Variants in CNGA3 observed in about 807,000 individuals in gnomAD.
CNGA3 encodes the protein cyclic nucleotide gated channel subunit alpha 3.
Under a neutral mutation model 46.6 loss-of-function variants are expected in CNGA3, and 42 were observed. The observed-to-expected ratio is 0.90, with a 90% CI of 0.70 to 1.17. CNGA3 has a LOEUF of 1.17. Ranked by LOEUF, CNGA3 falls within the 50% of genes most tolerant of loss-of-function variation. The pLI, the probability that CNGA3 is intolerant of heterozygous loss-of-function variation, is 0.00. For synonymous variants in CNGA3, 394 were observed against 369.4 expected (o/e 1.07, Z -0.76); for missense variants, 893 against 890.7 (o/e 1.00, Z -0.03).
chr2:98,368,353 C>G (rs1393355538), intron 1 of CNGA3, among the ~76,000 whole-genome samples: 2 of 152,226 alleles, frequency 1.3e-5, no homozygotes, highest in Non-Finnish European at 2.9e-5. Flanking sequence ...GTGGTCTCCA[C>G]TGACATCTGA....
intron 2 of CNGA3, among the ~76,000 whole-genome samples, chr2:98,375,041 C>G (rs943946167): frequency 6.6e-6 from 1 of 152,244 alleles, no homozygotes; most frequent in African/African-American, 2.4e-5. Flanking sequence ...GGACTCAAAC[C>G]AGGACCTGCC....
At position 98,380,170 on chromosome 2, in the gene CNGA3, T is replaced by G; in HGVS notation, c.216-5T>G. The G allele has an allele frequency of 1.9e-6, 3 of 1,614,056 alleles. No individual in the cohort carries two copies. Among genetic ancestry groups the G allele is most frequent in the Non-Finnish European group, 2.5e-6 (3 of 1,180,046 alleles). On this transcript the variant is annotated splice_polypyrimidine_tract_variant and splice_region_variant and intron_variant, in intron 3 of 7. Coordinates refer to ENST00000272602, the MANE Select transcript of CNGA3 (RefSeq NM_001298.3). ...CTCTGGCTCAGTGCTTGTGTCACCT[T>G]CCAGGCTGTCGCGCCTCATCTTCTT...
intron 2 of CNGA3, among the ~76,000 whole-genome samples, chr2:98,373,850 G>T (rs963099457): frequency 6.6e-6 from 1 of 152,212 alleles, no homozygotes; most frequent in Admixed American, 6.5e-5. Flanking sequence ...GGGCACGGGG[G>T]TTTGTGTCTG....
At chr2:98,358,195 T>A (rs1691932237) in intron 1 of CNGA3, among the ~76,000 whole-genome samples, 1 of 152,236 alleles carries the variant, frequency 6.6e-6, no homozygotes, top group South Asian at 2.1e-4. Flanking sequence ...GGTTGGGTAA[T>A]CTCTTAAGAT....
chr2:98,381,903 GA>G (rs1021489991), intron 4 of CNGA3, among the ~76,000 whole-genome samples: 1 of 152,090 alleles, frequency 6.6e-6, no homozygotes, highest in African/African-American at 2.4e-5. Flanking sequence ...AGGGAGGGGG[GA>G]AAAAGAAGTT....
chr2:98,363,228 T>C (rs1285414096), intron 1 of CNGA3, among the ~76,000 whole-genome samples: 1 of 152,236 alleles, frequency 6.6e-6, no homozygotes, highest in Admixed American at 6.5e-5. Flanking sequence ...ATTGAATCTA[T>C]AAATTACTTC....
At chr2:98,357,823 T>C (rs1412280965) in intron 1 of CNGA3, among the ~76,000 whole-genome samples, 1 of 152,230 alleles carries the variant, frequency 6.6e-6, no homozygotes, top group Non-Finnish European at 1.5e-5. Context: ...AAGGTCACCT[T>C]CACAGTTGCA....
At position 98,390,318 on chromosome 2, in the gene CNGA3, AT is replaced by A. The variant is rs139891462; in HGVS notation, c.566+554del. Among the ~76,000 whole-genome samples the A allele has an allele frequency of 8.1e-3, 1,200 of 147,982 alleles. 14 individuals carry two copies. Among genetic ancestry groups the A allele is most frequent in the South Asian group, 0.028 (129 of 4,664 alleles). On this transcript the variant is annotated intron_variant, in intron 6 of 7. Coordinates refer to ENST00000272602, the MANE Select transcript of CNGA3 (RefSeq NM_001298.3). ...GCCTGGCTTTTATATATATATATGT[AT>A]TTTTTTTTTAGTAGAGACAGTGTTT...
rs373542579 is a variant in CNGA3, at chr2:98,389,686, G to A, written c.478G>A (p.Val160Met). Reference sequence around the variant, plus strand: ...GAAGACGAAAAAGAAGGATGCGATCGTGGTGGACCCGTCCAGCAACCTGTA... The same window carrying A: ...GAAGACGAAAAAGAAGGATGCGATCATGGTGGACCCGTCCAGCAACCTGTA... ...EKKTKKKDAI[V>M]VDPSSNLYYR... The change falls in exon 6 of 8, where the codon GTG becomes ATG. Residue 160 changes from valine (V) to methionine (M), a missense_variant. Physicochemically the swap from Val to Met is conservative, Grantham distance 21. Coordinates refer to ENST00000272602, the MANE Select transcript of CNGA3 (RefSeq NM_001298.3). 56 of 1,613,786 alleles carry A rather than the reference G, an allele frequency of 3.5e-5. No individual in the cohort carries two copies. The East Asian group carries it at 4.5e-4, about 13-fold the overall frequency.
intron 1 of CNGA3, among the ~76,000 whole-genome samples, chr2:98,352,903 C>T (rs944885910): frequency 6.6e-6 from 1 of 152,166 alleles, no homozygotes; most frequent in African/African-American, 2.4e-5. Context: ...TATGTATATA[C>T]AGTTGACCCT....
In CNGA3 at chr2:98,369,803, A is replaced by T. The variant is rs1000846565; in HGVS notation, c.-37-136A>T. 4.7e-6 allele frequency: 3 copies of T among 634,734 alleles called. No homozygotes were observed. The African/African-American group carries it at 5.4e-5, about 12-fold the overall frequency. 39.3% of individuals were successfully genotyped at this position (634,734 alleles called of 1,614,324 possible). ...CCAACTAAAACTCACTGCAGCAGGA[A>T]CTACAAGAGACAGCAGAGGGTGTGC... is the stretch of plus-strand genomic sequence containing the variant. On this transcript the variant is annotated intron_variant, in intron 1 of 7. Coordinates refer to ENST00000272602, the MANE Select transcript of CNGA3 (RefSeq NM_001298.3).
intron 1 of CNGA3, among the ~76,000 whole-genome samples, chr2:98,359,241 C>T (rs754602891): frequency 6.6e-5 from 10 of 152,154 alleles, no homozygotes; most frequent in Non-Finnish European, 1.3e-4. Flanking sequence ...CCAGGGTTGC[C>T]CCAAGGATGT....
chr2:98,388,963 G>A (rs1438141321), intron 5 of CNGA3, among the ~76,000 whole-genome samples: 1 of 152,242 alleles, frequency 6.6e-6, no homozygotes, highest in African/African-American at 2.4e-5. Context: ...CAAAAAGGCA[G>A]TCTCCAGTAC....
intron 5 of CNGA3, among the ~76,000 whole-genome samples, chr2:98,386,469 T>A (rs189101720): frequency 9.4e-4 from 143 of 152,332 alleles, no homozygotes; most frequent in African/African-American, 3.2e-3. Flanking sequence ...CTGCACAGAC[T>A]CTTTGCGTGC....
intron 2 of CNGA3, among the ~76,000 whole-genome samples, chr2:98,370,445 T>G (rs771907470): frequency 2.0e-5 from 3 of 152,252 alleles, no homozygotes; most frequent in Admixed American, 6.5e-5. Context: ...CACCAGCCAC[T>G]GAACTGGGTT....
In CNGA3 at chr2:98,397,143, T is replaced by C. The variant is rs568826347; in HGVS notation, c.1973T>C (p.Met658Thr). 6.2e-7 allele frequency: 1 copy of C among 1,613,922 alleles called. No homozygotes were observed. The highest frequency in any genetic ancestry group is 1.1e-5 in the South Asian group (1 of 91,056). Residue 658 changes from methionine to threonine, a missense_variant, in exon 8 of 8, where the codon ATG becomes ACG. Physicochemically the swap from Met to Thr is moderately conservative, Grantham distance 81. Around this residue, in one of 3 missense-constraint regions of CNGA3, gnomAD observed 548 missense variants for 570.8 expected, o/e 0.96. Transcript: ENST00000272602. ...GAGTACAACGCCACCCAGATGAAGA[T>C]GAAGCAGCGTCTCAGCCAACTGGAA... The part of the protein sequence containing the change: ...LAEYNATQMK[M>T]KQRLSQLESQ...
At chr2:98,346,833 C>T (rs1691637528) in intron 1 of CNGA3, among the ~76,000 whole-genome samples, 3 of 152,146 alleles carry the variant, frequency 2.0e-5, no homozygotes, top group Non-Finnish European at 2.9e-5. Flanking sequence ...GCCGATCGCA[C>T]CCCCTTTTAC....
chr2:98,371,118 C>T (rs189528054), intron 2 of CNGA3, among the ~76,000 whole-genome samples: 175 of 152,308 alleles, frequency 1.1e-3, no homozygotes, highest in Middle Eastern at 6.8e-3. Context: ...AGCCACTGCA[C>T]CCAGCCATGT....
chr2:98,354,077 T>C (rs965201715), intron 1 of CNGA3, among the ~76,000 whole-genome samples: 1 of 152,218 alleles, frequency 6.6e-6, no homozygotes, highest in Non-Finnish European at 1.5e-5. Context: ...CCAAACCATA[T>C]CACCTACGTA....
Sources: gnomAD v4.1 joint callset for allele counts (sites outside exome capture counted in the v4.1 genomes callset) on GRCh38, gnomAD v4.1.1 for gene constraint, gnomAD v4.1.1 regional missense constraint, MANE v1.5 for transcripts, NCBI Gene and HGNC (gene_info 2026-07-23, HGNC 2026-07-21) for gene names.